CENPE: variants seen among roughly 807,000 people sequenced by gnomAD.
CENPE encodes the protein centromere protein E, also known as centromere-associated protein E.
A neutral mutation model predicts 336.1 loss-of-function variants in CENPE; 145 were observed. That is an observed-to-expected ratio of 0.43 (90% CI 0.38 to 0.50). CENPE has a LOEUF of 0.50. Ranked by LOEUF, CENPE falls within the 20% of genes least tolerant of loss-of-function variation. CENPE has a pLI of 0.00. For missense variants in CENPE, 2,719 were observed against 3,023.3 expected (o/e 0.90, Z 2.36); for synonymous variants, 1,013 against 984.8 (o/e 1.03, Z -0.54).
chr4:103,140,474 A>AT, intron 36 of CENPE, 60 bp from the exon 37 acceptor site: 2 of 1,179,424 alleles, frequency 1.7e-6, no homozygotes, highest in South Asian at 3.3e-5. Flanking sequence ...CCTTTACTTA[A>AT]TGATTGAGTT....
At chr4:103,174,205 C>T (rs1755662888) in intron 16 of CENPE, among the ~76,000 whole-genome samples, 1 of 150,992 alleles carries the variant, frequency 6.6e-6, no homozygotes, top group Non-Finnish European at 1.5e-5. Context: ...CCATTTGCAA[C>T]AATATGGATG....
chr4:103,120,894 C>A (rs748581519), intron 43 of CENPE, among the ~76,000 whole-genome samples: 4 of 152,084 alleles, frequency 2.6e-5, no homozygotes, highest in African/African-American at 4.8e-5. Flanking sequence ...TGCCACCACG[C>A]CTAGCTAATT....
chr4:103,134,497 G>C (rs113083814), intron 40 of CENPE, among the ~76,000 whole-genome samples: 2 of 152,088 alleles, frequency 1.3e-5, no homozygotes, highest in African/African-American at 4.8e-5. Context: ...AGCTGGGCGT[G>C]GTGGCAGGCG....
rs114698062 is a variant in CENPE, at chr4:103,148,938, G to A, written c.3749C>T (p.Thr1250Ile). ...AHIHLKEHQE[T>I]IDELRRSVSE... ...TACGCTTCTTCTTAGTTCATCAATA[G>A]TTTCTTGGTGTTCTTTTAGGTGAAT... The change falls in exon 28 of 49, where the codon ACT (threonine) becomes ATT (isoleucine). Residue 1250 changes from threonine to isoleucine, a missense_variant. Coordinates refer to ENST00000265148, the MANE Select transcript of CENPE (RefSeq NM_001813.3). 2 of 1,613,502 alleles carry A rather than the reference G, an allele frequency of 1.2e-6. No individual in the cohort carries two copies. Among genetic ancestry groups the A allele is most frequent in the African/African-American group, 2.7e-5 (2 of 75,006 alleles).
intron 25 of CENPE, among the ~76,000 whole-genome samples, chr4:103,152,217 T>C (rs1753626057): frequency 6.6e-6 from 1 of 152,000 alleles, no homozygotes. Context: ...ACATACCTCT[T>C]TGAGAACAGA....
chr4:103,123,240 G>A, intron 42 of CENPE, 151 bp from the exon 43 acceptor site: 1 of 640,376 alleles, frequency 1.6e-6, no homozygotes, highest in Non-Finnish European at 2.7e-6. Flanking sequence ...ACAATTCACA[G>A]GTTTTGAATT....
intron 15 of CENPE, among the ~76,000 whole-genome samples, chr4:103,175,474 G>A (rs1156301638): frequency 6.6e-6 from 1 of 151,918 alleles, no homozygotes; most frequent in African/African-American, 2.4e-5. Flanking sequence ...AAGTAGTAAT[G>A]CAATTATATT....
intron 14 of CENPE, 29 bp from the exon 15 acceptor site, chr4:103,176,077 C>A: frequency 7.2e-7 from 1 of 1,381,932 alleles, no homozygotes; most frequent in Non-Finnish European, 9.9e-7. Context: ...AAAATTTGTC[C>A]ATGAACATGT....
chr4:103,160,374 T>A (rs1237767282), intron 21 of CENPE, among the ~76,000 whole-genome samples: 1 of 151,922 alleles, frequency 6.6e-6, no homozygotes, highest in South Asian at 2.1e-4. Flanking sequence ...ACTACAGAAA[T>A]GGCTGCTACA....
At chr4:103,185,226 G>A (rs1176793466) in intron 9 of CENPE, among the ~76,000 whole-genome samples, 5 of 151,416 alleles carry the variant, frequency 3.3e-5, no homozygotes, top group African/African-American at 1.2e-4. Context: ...AATTGCTTGA[G>A]CCCAGGAGGT....
At position 103,147,262 on chromosome 4, in the gene CENPE, A is replaced by G. The variant is rs1020689424; in HGVS notation, c.4134+94T>C. On this transcript the variant is annotated intron_variant, in intron 29 of 48. Coordinates refer to ENST00000265148, the MANE Select transcript of CENPE (RefSeq NM_001813.3). Reference sequence around the variant, plus strand: ...AAGAGACATTAAAAAAACTGGTAACATAATTATAATACAAACATTATAACT... The same window carrying G: ...AAGAGACATTAAAAAAACTGGTAACGTAATTATAATACAAACATTATAACT... 3.5e-6 allele frequency: 4 copies of G among 1,138,822 alleles called. No individual in the cohort carries two copies. In the African/African-American group the frequency reaches 4.7e-5, roughly 13 times the overall value. 70.5% of individuals were successfully genotyped at this position (1,138,822 alleles called of 1,614,324 possible). A position where few individuals can be genotyped will look rare whatever the true frequency, so the allele number is the denominator to read the frequency against.
rs1449135636 is a variant in CENPE at position 103,136,298 on chromosome 4, A to C, written c.6365T>G (p.Leu2122Arg). 2 of 1,613,336 alleles carry C rather than the reference A, an allele frequency of 1.2e-6. No homozygotes were observed. The highest frequency in any genetic ancestry group is 2.2e-5 in the South Asian group (2 of 91,062). Residue 2122 changes from leucine to arginine, a missense_variant, in exon 40 of 49, where the codon CTT (leucine) becomes CGT (arginine). Around this residue, in one of 5 missense-constraint regions of CENPE, gnomAD observed 2,437 missense variants for 2,513.3 expected, o/e 0.97. Transcript: ENST00000265148. ...GAATTCAATTTCCTTCTCCAAGTCAAGAGACAATCTATTCAAGCACTCATA... is the reference window on the plus strand; with the variant it reads ...GAATTCAATTTCCTTCTCCAAGTCACGAGACAATCTATTCAAGCACTCATA... ...DHYECLNRLS[L>R]DLEKEIEFQK...
chr4:103,172,518 C>CT (rs1755499317), intron 16 of CENPE, among the ~76,000 whole-genome samples: 1 of 151,964 alleles, frequency 6.6e-6, no homozygotes, highest in Admixed American at 6.6e-5. Context: ...AGCTGAAAGC[C>CT]TTTTACTCTA....
At chr4:103,196,889 A>G (rs1168910187) in intron 1 of CENPE, 39 bp from the exon 2 acceptor site, 2 of 956,362 alleles carry the variant, frequency 2.1e-6, no homozygotes, top group South Asian at 2.7e-5. Context: ...CCAGTCATAA[A>G]AGTCATGTCA....
chr4:103,126,271 A>C (rs2125880174), intron 42 of CENPE, among the ~76,000 whole-genome samples: 1 of 152,310 alleles, frequency 6.6e-6, no homozygotes, highest in East Asian at 1.9e-4. Flanking sequence ...TTTAAAACAA[A>C]ACACAGCATT....
Position 103,196,255 on chromosome 4 carries a change from A to AAACAACAAC in CENPE, c.149-12_149-4dup. The AAACAACAAC allele has an allele frequency of 6.3e-7, 1 of 1,578,660 alleles. No homozygotes were observed. The highest frequency in any genetic ancestry group is 8.7e-7 in the Non-Finnish European group (1 of 1,151,016). ...TTCATTACCATGAAAGACACGATCT[A>AAACAACAAC]AACAACAACAACAACAACAACAACA... On this transcript the variant is annotated splice_region_variant and splice_polypyrimidine_tract_variant and intron_variant, in intron 2 of 48. Transcript: ENST00000265148.
chr4:103,185,453 C>T (rs1194829593), intron 9 of CENPE, among the ~76,000 whole-genome samples: 4 of 151,178 alleles, frequency 2.6e-5, no homozygotes, highest in Non-Finnish European at 5.9e-5. Flanking sequence ...AATATTTTAA[C>T]TTTTAAAAAT....
In CENPE at chr4:103,143,207, T is replaced by A. The variant is rs768659925; in HGVS notation, c.5304+41A>T. On this transcript the variant is annotated intron_variant, in intron 34 of 48. Coordinates refer to ENST00000265148, the MANE Select transcript of CENPE (RefSeq NM_001813.3). ...TTGTTTCATTACACAAAAAGTTTGA[T>A]TCAAACTCTCAGTAACTGAGATAAC... is the stretch of plus-strand genomic sequence containing the variant. 9 of 1,451,660 alleles carry A rather than the reference T, an allele frequency of 6.2e-6. No homozygotes were observed. In the African/African-American group the frequency reaches 1.3e-4, roughly 21 times the overall value. 89.9% of individuals were successfully genotyped at this position (1,451,660 alleles called of 1,614,324 possible).
chr4:103,126,279 A>AT (rs34902747), intron 42 of CENPE, among the ~76,000 whole-genome samples: 159 of 149,802 alleles, frequency 1.1e-3, no homozygotes, highest in African/African-American at 3.1e-3. Flanking sequence ...AAAACACAGC[A>AT]TTTTTTTTTT....
Sources: allele counts gnomAD v4.1 joint callset (sites outside exome capture counted in the v4.1 genomes callset), GRCh38; gene constraint gnomAD v4.1.1; regional missense constraint gnomAD v4.1.1; transcripts MANE v1.5; gene names NCBI Gene and HGNC (gene_info 2026-07-23, HGNC 2026-07-21).